The following CPPED1 variants were observed in gnomAD, a reference collection of about 807,000 sequenced individuals.
The protein encoded by CPPED1 is serine/threonine-protein phosphatase CPPED1.
CPPED1 carries 28 observed loss-of-function variants against 28.0 expected under a neutral mutation model. The ratio of observed to expected loss-of-function variants is 1.00; its 90% CI spans 0.74 to 1.37. CPPED1 has a LOEUF of 1.37. CPPED1 is among the 40% of genes most tolerant of loss of function. The pLI is 0.00. For missense variants in CPPED1, 504 were observed against 416.5 expected, an observed-to-expected ratio of 1.21 and a Z score of -1.83; for synonymous variants, 198 against 180.2, an observed-to-expected ratio of 1.10 and a Z score of -0.79.
At chr16:12,714,959 A>AT (rs58231925) in intron 2 of CPPED1, among the ~76,000 whole-genome samples, 13 of 149,288 alleles carry the variant, frequency 8.7e-5, no homozygotes, top group Non-Finnish European at 1.3e-4. Context: ...TTTTGAGTTC[A>AT]TTTTTTTTTT....
intron 2 of CPPED1, among the ~76,000 whole-genome samples, chr16:12,710,689 AT>A (rs527268171): frequency 6.6e-4 from 101 of 152,286 alleles, no homozygotes; most frequent in African/African-American, 2.4e-3. Flanking sequence ...TTGAACAGAC[AT>A]TTCTCCAAAG....
intron 3 of CPPED1, among the ~76,000 whole-genome samples, chr16:12,690,227 G>C (rs1361787348): frequency 6.6e-6 from 1 of 152,158 alleles, no homozygotes; most frequent in African/African-American, 2.4e-5. Flanking sequence ...ACACCATCAA[G>C]AAGGCCAAGT....
At chr16:12,744,706 C>T (rs1002735870) in intron 2 of CPPED1, among the ~76,000 whole-genome samples, 1 of 152,270 alleles carries the variant, frequency 6.6e-6, no homozygotes, top group Non-Finnish European at 1.5e-5. Flanking sequence ...AGAAGCCAGG[C>T]GTGGTGACTC....
intron 2 of CPPED1, among the ~76,000 whole-genome samples, chr16:12,715,291 T>G (rs1043501844): frequency 2.6e-4 from 39 of 152,278 alleles, no homozygotes; most frequent in African/African-American, 9.4e-4. Flanking sequence ...ATAATTTTCA[T>G]ATAAAATTTA....
At chr16:12,675,485 C>A (rs1392734339) in intron 3 of CPPED1, among the ~76,000 whole-genome samples, 2 of 152,120 alleles carry the variant, frequency 1.3e-5, no homozygotes, top group Non-Finnish European at 2.9e-5. Flanking sequence ...TATCTTGATT[C>A]AAGTTCATTT....
At chr16:12,674,649 C>T (rs2079869164) in intron 3 of CPPED1, among the ~76,000 whole-genome samples, 1 of 152,118 alleles carries the variant, frequency 6.6e-6, no homozygotes, top group African/African-American at 2.4e-5. Flanking sequence ...GTCCTAGGGA[C>T]TCACATCGTC....
At chr16:12,732,550 C>A (rs1311007641) in intron 2 of CPPED1, among the ~76,000 whole-genome samples, 10 of 151,566 alleles carry the variant, frequency 6.6e-5, no homozygotes, top group African/African-American at 2.4e-4. Context: ...TTCAAAAGGA[C>A]TTCCGAGAAC....
chr16:12,709,744 A>T lies in CPPED1; in HGVS notation c.290-4695T>A, dbSNP rs1225293064. Among the ~76,000 whole-genome samples the T allele has an allele frequency of 1.3e-5, 2 of 152,200 alleles. No homozygotes were observed. Among genetic ancestry groups the T allele is most frequent in the African/African-American group, 4.8e-5 (2 of 41,446 alleles). On this transcript the variant is annotated intron_variant, in intron 2 of 3. Coordinates refer to ENST00000381774, the MANE Select transcript of CPPED1 (RefSeq NM_018340.3). The surrounding 1 kb of genome is among the most constrained non-coding windows in gnomAD (Gnocchi z 4.4). ...TCTGTAAACAAGTATAGCTATGATC[A>T]TAGGTAATGGTGAAAGACTGACTGC... is the stretch of plus-strand genomic sequence containing the variant.
intron 1 of CPPED1, among the ~76,000 whole-genome samples, chr16:12,795,622 G>A (rs1310214099): frequency 6.6e-6 from 1 of 152,164 alleles, no homozygotes; most frequent in Non-Finnish European, 1.5e-5. Context: ...TTACAGGCGT[G>A]AGCCACTGTA....
chr16:12,731,611 C>A (rs2080198025), intron 2 of CPPED1, among the ~76,000 whole-genome samples: 1 of 151,878 alleles, frequency 6.6e-6, no homozygotes, highest in African/African-American at 2.4e-5. Flanking sequence ...CAACCAAAAG[C>A]CACCGATAAT....
At chr16:12,791,630 T>C (rs773959096) in intron 1 of CPPED1, among the ~76,000 whole-genome samples, 12 of 152,180 alleles carry the variant, frequency 7.9e-5, no homozygotes, top group Non-Finnish European at 1.8e-4. Context: ...GGTTCCCACC[T>C]GGGAGAAGGA....
intron 3 of CPPED1, among the ~76,000 whole-genome samples, chr16:12,697,244 C>G (rs375045984): frequency 6.6e-6 from 1 of 152,032 alleles, no homozygotes; most frequent in East Asian, 1.9e-4. Context: ...AGGCTGGTCT[C>G]GAACTCCTGA....
At chr16:12,763,465 G>A (rs1414146859) in intron 2 of CPPED1, among the ~76,000 whole-genome samples, 3 of 152,170 alleles carry the variant, frequency 2.0e-5, no homozygotes, top group Non-Finnish European at 4.4e-5. Context: ...GAGTGGCATG[G>A]TATGGAATTC....
rs2080507647 is a variant in CPPED1 at position 12,777,935 on chromosome 16, A to C, written c.289+3250T>G. Among the ~76,000 whole-genome samples, 3 of 145,428 alleles carry C rather than the reference A, an allele frequency of 2.1e-5. No individual in the cohort carries two copies. The Admixed American group carries it at 2.1e-4, about 10-fold the overall frequency. The stretch of plus-strand genomic sequence containing the variant: ...TTTTTTTTTTCTTTTTTTGAGATGA[A>C]GTCTTGCTCTGTCACTCAGGCTGGA... On this transcript the variant is annotated intron_variant, in intron 2 of 3. Transcript: ENST00000381774.
chr16:12,803,132 CA>C (rs2080670737), intron 1 of CPPED1, among the ~76,000 whole-genome samples: 1 of 152,206 alleles, frequency 6.6e-6, no homozygotes, highest in Non-Finnish European at 1.5e-5. Flanking sequence ...TAAGGCAAAG[CA>C]GATAATCTAA....
At chr16:12,770,769 C>A (rs541669102) in intron 2 of CPPED1, among the ~76,000 whole-genome samples, 1 of 151,868 alleles carries the variant, frequency 6.6e-6, no homozygotes, top group East Asian at 1.9e-4. Flanking sequence ...TTGCAGTGAG[C>A]CGAGATCGCG....
chr16:12,667,889 A>G (rs1262129471), intron 3 of CPPED1, among the ~76,000 whole-genome samples: 1 of 152,244 alleles, frequency 6.6e-6, no homozygotes, highest in African/African-American at 2.4e-5. Context: ...GATAAAAAGT[A>G]CTACACAGGA....
chr16:12,724,188 G>A (rs901664679), intron 2 of CPPED1, among the ~76,000 whole-genome samples: 4 of 152,142 alleles, frequency 2.6e-5, no homozygotes, highest in African/African-American at 9.7e-5. Flanking sequence ...CGGCCTGGAT[G>A]GCAGACAAGA....
chr16:12,774,892 G>T (rs543866606), intron 2 of CPPED1, among the ~76,000 whole-genome samples: 1 of 152,268 alleles, frequency 6.6e-6, no homozygotes, highest in South Asian at 2.1e-4. Flanking sequence ...CATGATCACG[G>T]CTCACTGAAG....
Sources: gnomAD v4.1 joint callset for allele counts (sites outside exome capture counted in the v4.1 genomes callset) on GRCh38, gnomAD v4.1.1 for gene constraint, Gnocchi (gnomAD v3.1) non-coding constraint, MANE v1.5 for transcripts, NCBI Gene and HGNC (gene_info 2026-07-23, HGNC 2026-07-21) for gene names.